Variants in ADIPOR2 observed in about 807,000 individuals in gnomAD.
ADIPOR2 encodes adiponectin receptor 2.
Under a neutral mutation model 40.9 loss-of-function variants are expected in ADIPOR2, and 18 were observed. The observed-to-expected ratio is 0.44, with a 90% CI of 0.30 to 0.65. The LOEUF is 0.65. Ranked by LOEUF, ADIPOR2 falls within the 30% of genes least tolerant of loss-of-function variation. The pLI, the probability that ADIPOR2 is intolerant of heterozygous loss-of-function variation, is 0.09. For synonymous variants in ADIPOR2, 165 were observed against 166.4 expected, an observed-to-expected ratio of 0.99 and a Z score of 0.06; for missense variants, 283 against 479.2, an observed-to-expected ratio of 0.59 and a Z score of 3.82.
In ADIPOR2 at chr12:1,772,838, G is replaced by T; in HGVS notation, c.172-4G>T. On this transcript the variant is annotated splice_polypyrimidine_tract_variant and splice_region_variant and intron_variant, in intron 2 of 7. Coordinates refer to ENST00000357103, the MANE Select transcript of ADIPOR2 (RefSeq NM_024551.3). ...CCTTGACTGTTTCTGTGATTGCCTT[G>T]CAGAGCTCTGAGGAACATGAATACA... 6.2e-7 allele frequency: 1 copy of T among 1,606,814 alleles called. No individual in the cohort carries two copies. Among genetic ancestry groups the T allele is most frequent in the Non-Finnish European group, 8.5e-7 (1 of 1,176,188 alleles).
At chr12:1,692,693 G>GT (rs1322166754) in intron 1 of ADIPOR2, among the ~76,000 whole-genome samples, 1 of 148,620 alleles carries the variant, frequency 6.7e-6, no homozygotes, top group Admixed American at 6.7e-5. Context: ...TAAATAAATG[G>GT]TTTTTTCTAT....
intron 1 of ADIPOR2, among the ~76,000 whole-genome samples, chr12:1,715,962 A>G (rs1293015715): frequency 1.3e-5 from 2 of 152,100 alleles, no homozygotes; most frequent in Non-Finnish European, 2.9e-5. Context: ...AGCAGCGGCA[A>G]CCTGGTCGGG....
At chr12:1,748,467 C>T (rs973394515) in intron 1 of ADIPOR2, among the ~76,000 whole-genome samples, 2 of 152,012 alleles carry the variant, frequency 1.3e-5, no homozygotes, top group Non-Finnish European at 2.9e-5. Flanking sequence ...CCAGGATGGT[C>T]TCAATCTCCT....
chr12:1,716,316 A>G (rs887642256), intron 1 of ADIPOR2, among the ~76,000 whole-genome samples: 1 of 152,206 alleles, frequency 6.6e-6, no homozygotes, highest in Admixed American at 6.5e-5. Flanking sequence ...CTTTTATATC[A>G]TCTTTTGGAT....
intron 1 of ADIPOR2, among the ~76,000 whole-genome samples, chr12:1,753,161 C>A (rs1386030044): frequency 1.3e-5 from 2 of 152,164 alleles, no homozygotes; most frequent in African/African-American, 2.4e-5. Context: ...CTACTTTGCC[C>A]TACTCCTTTC....
At chr12:1,784,461 A>T (rs1281893421) in intron 7 of ADIPOR2, among the ~76,000 whole-genome samples, 1 of 152,252 alleles carries the variant, frequency 6.6e-6, no homozygotes, top group African/African-American at 2.4e-5. Flanking sequence ...TAATATCAGA[A>T]TCTGTGCTCT....
At chr12:1,752,759 T>TA (rs1862028262) in intron 1 of ADIPOR2, among the ~76,000 whole-genome samples, 1 of 152,236 alleles carries the variant, frequency 6.6e-6, no homozygotes, top group African/African-American at 2.4e-5. Flanking sequence ...CCTTTGTTGA[T>TA]TCTCAGTAAA....
rs552251920 is a variant in ADIPOR2 at position 1,753,128 on chromosome 12, C to T, written c.-86-1130C>T. On this transcript the variant is annotated intron_variant, in intron 1 of 7. Coordinates refer to ENST00000357103, the MANE Select transcript of ADIPOR2 (RefSeq NM_024551.3). Reference sequence around the variant, plus strand: ...TGAAACTAAATCCACCTGTTACCTTCTTTTTATGGTATCTGGGTTCTCCTA... The same window carrying T: ...TGAAACTAAATCCACCTGTTACCTTTTTTTTATGGTATCTGGGTTCTCCTA... Among the ~76,000 whole-genome samples, 40 of 152,296 alleles carry T rather than the reference C, an allele frequency of 2.6e-4. 2 individuals carry two copies. In the South Asian group the frequency reaches 8.3e-3, roughly 32 times the overall value.
intron 1 of ADIPOR2, among the ~76,000 whole-genome samples, chr12:1,743,954 T>G (rs1419254466): frequency 6.6e-6 from 1 of 152,224 alleles, no homozygotes; most frequent in Non-Finnish European, 1.5e-5. Flanking sequence ...TGTGTATGCC[T>G]GTGCCACCCA....
intron 2 of ADIPOR2, among the ~76,000 whole-genome samples, chr12:1,762,271 CA>C (rs1257448087): frequency 6.6e-6 from 1 of 152,118 alleles, no homozygotes; most frequent in Non-Finnish European, 1.5e-5. Flanking sequence ...CAATGCGTAT[CA>C]TGACATATAT....
Position 1,760,640 on chromosome 12 carries a change from A to G in ADIPOR2, c.171+6126A>G, listed in dbSNP as rs137964182. 1.6e-4 allele frequency: 25 copies of G among 152,334 alleles called. 1 individual carries two copies. In the East Asian group the frequency reaches 4.0e-3, roughly 25 times the overall value. The allele number at this position is 152,334 out of a possible 1,614,324, so 9.4% of individuals were successfully genotyped here. On this transcript the variant is annotated intron_variant, in intron 2 of 7. Transcript: ENST00000357103. ...TGTTTTTAAGTTTCATCAATATTGTAGTATGTACCAGTACTTCATTCCTCT... is the reference window on the plus strand; with the variant it reads ...TGTTTTTAAGTTTCATCAATATTGTGGTATGTACCAGTACTTCATTCCTCT...
intron 1 of ADIPOR2, among the ~76,000 whole-genome samples, chr12:1,733,850 A>C (rs1353055899): frequency 1.4e-5 from 2 of 147,646 alleles, no homozygotes; most frequent in Non-Finnish European, 3.0e-5. Flanking sequence ...GAGTGAGAAC[A>C]TGTGGTGTTT....
At chr12:1,744,098 CTTTT>C in intron 1 of ADIPOR2, among the ~76,000 whole-genome samples, 1 of 146,958 alleles carries the variant, frequency 6.8e-6, no homozygotes, top group East Asian at 2.0e-4. Context: ...CTTGAAAAGT[CTTTT>C]TTTTTTCTGT....
At chr12:1,691,632 C>G (rs1293752592) in intron 1 of ADIPOR2, among the ~76,000 whole-genome samples, 1 of 152,178 alleles carries the variant, frequency 6.6e-6, no homozygotes, top group Non-Finnish European at 1.5e-5. Context: ...GGGATGGGCT[C>G]TCTCAGCGCT....
chr12:1,754,693 TTATTATTACTACTACTACTACTACTAC>T (rs71055193), intron 2 of ADIPOR2, among the ~76,000 whole-genome samples, 179 bp downstream of exon 2: 21,239 of 136,682 alleles, frequency 0.16, 1,636 homozygotes, highest in Admixed American at 0.25. Context: ...ATCTTTATTA[TTATTATTACTACTACTACTACTACTAC>T]TACTACTACT....
At chr12:1,759,811 GGTCAGGAGTTTGAGACCAGC>G (rs1383559652) in intron 2 of ADIPOR2, among the ~76,000 whole-genome samples, 1 of 152,120 alleles carries the variant, frequency 6.6e-6, no homozygotes, top group Non-Finnish European at 1.5e-5. Context: ...CAGATCATGA[GGTCAGGAGTTTGAGACCAGC>G]GTGTCCATCA....
In ADIPOR2 at chr12:1,784,013, A is replaced by T. The variant is rs755466844; in HGVS notation, c.972A>T (p.Gly324=). The stretch of plus-strand genomic sequence containing the variant: ...TGATGGCCAGCCTCTACATCACAGG[A>T]GCTGCCCTGTATGCTGCCCGGATCC... ...LMLMASLYIT[G]AALYAARIPE... Residue 324 remains glycine, a synonymous_variant, in exon 7 of 8, where the codon GGA becomes GGT. Coordinates refer to ENST00000357103, the MANE Select transcript of ADIPOR2 (RefSeq NM_024551.3). The T allele has an allele frequency of 2.5e-6, 4 of 1,613,190 alleles. No homozygotes were observed. Among genetic ancestry groups the T allele is most frequent in the Non-Finnish European group, 2.5e-6 (3 of 1,179,552 alleles).
chr12:1,735,068 G>A (rs1224377735), intron 1 of ADIPOR2, among the ~76,000 whole-genome samples: 1 of 152,150 alleles, frequency 6.6e-6, no homozygotes, highest in Admixed American at 6.5e-5. Flanking sequence ...GGATTGACTT[G>A]GCAATGTGGG....
At chr12:1,762,725 A>G (rs1269998015) in intron 2 of ADIPOR2, among the ~76,000 whole-genome samples, 1 of 152,196 alleles carries the variant, frequency 6.6e-6, no homozygotes, top group Non-Finnish European at 1.5e-5. Context: ...ATTCGTTCCT[A>G]AAGTAGCCTT....
Sources: gnomAD v4.1 joint callset for allele counts (sites outside exome capture counted in the v4.1 genomes callset) on GRCh38, gnomAD v4.1.1 for gene constraint, MANE v1.5 for transcripts, NCBI Gene and HGNC (gene_info 2026-07-23, HGNC 2026-07-21) for gene names.